The following CYP39A1 variants were observed in gnomAD, a reference collection of about 807,000 sequenced individuals.
CYP39A1 encodes cytochrome P450 family 39 subfamily A member 1.
In CYP39A1, 49 loss-of-function variants were observed where a neutral mutation model predicts 58.1. The ratio of observed to expected loss-of-function variants is 0.84; its 90% CI spans 0.67 to 1.07. The LOEUF is 1.07. Among genes scored for constraint, CYP39A1 ranks in the 50% least tolerant of loss-of-function variants. The probability of loss-of-function intolerance (pLI) is 0.00; values close to 1 mark genes in which losing one functional copy is unlikely to be tolerated. For missense variants in CYP39A1, 531 were observed against 539.4 expected (o/e 0.98, Z 0.16); for synonymous variants, 209 against 187.6 (o/e 1.11, Z -0.93).
At chr6:46,553,304 T>C (rs977470962) in intron 11 of CYP39A1, among the ~76,000 whole-genome samples, 2 of 152,194 alleles carry the variant, frequency 1.3e-5, no homozygotes, top group Non-Finnish European at 2.9e-5. Context: ...AATAAAACCA[T>C]GACCTTTTCA....
rs570988220 is a variant in CYP39A1, at chr6:46,630,115, A to AAAC, written c.840+845_840+847dup. ...CATCTCAAAAAAACAAAACAAAACA[A>AAAC]AACAACAACAACAACAAAAAAACCC... On this transcript the variant is annotated intron_variant, in intron 6 of 11. Coordinates refer to ENST00000275016, the MANE Select transcript of CYP39A1 (RefSeq NM_016593.5). 1.7e-3 allele frequency among the ~76,000 whole-genome samples: 249 copies of AAAC among 146,550 alleles called. 1 individual carries two copies. Among genetic ancestry groups the AAAC allele is most frequent in the Non-Finnish European group, 2.8e-3 (190 of 67,954 alleles).
At chr6:46,587,218 A>G (rs1261901802) in intron 9 of CYP39A1, 53 bp from the exon 10 acceptor site, 2 of 1,176,958 alleles carry the variant, frequency 1.7e-6, no homozygotes, top group Non-Finnish European at 2.5e-6. Flanking sequence ...AAATAAGCTT[A>G]ACTTTATTTC....
intron 7 of CYP39A1, among the ~76,000 whole-genome samples, chr6:46,610,221 T>C (rs1449856839): frequency 3.3e-5 from 5 of 152,252 alleles, no homozygotes; most frequent in Non-Finnish European, 2.9e-5. Context: ...ACAAGGGTTA[T>C]GTGGATCAAT....
At chr6:46,636,353 C>A (rs1265682310) in intron 5 of CYP39A1, 36 bp downstream of exon 5, 1 of 1,430,566 alleles carries the variant, frequency 7.0e-7, no homozygotes, top group South Asian at 1.2e-5. Flanking sequence ...TTATTACTAT[C>A]TTTACATTAG....
chr6:46,616,280 C>CT (rs1774599718), intron 7 of CYP39A1, among the ~76,000 whole-genome samples: 2 of 125,062 alleles, frequency 1.6e-5, no homozygotes, highest in South Asian at 5.9e-4. Context: ...TCCTTCCTTC[C>CT]TTCATCTTGC....
rs200048080 is a variant in CYP39A1, at chr6:46,550,367, C to G, written c.1409G>C (p.Ter470SerextTer23). The G allele has an allele frequency of 7.4e-6, 12 of 1,612,678 alleles. No homozygotes were observed. In the African/African-American group the frequency reaches 1.5e-4, roughly 20 times the overall value. ...QCRIEYKQRI[*>S] ...GGTCCTTGTGAGGCCCAACAGATGTCATATTCTTTGTTTATATTCAATTCG... is the reference window on the plus strand; with the variant it reads ...GGTCCTTGTGAGGCCCAACAGATGTGATATTCTTTGTTTATATTCAATTCG... The change falls in exon 12 of 12, where the codon TGA becomes TCA. Residue 470 changes from the stop codon to serine (S), a stop_lost. Coordinates refer to ENST00000275016, the MANE Select transcript of CYP39A1 (RefSeq NM_016593.5).
chr6:46,575,454 C>G (rs1249822681), intron 10 of CYP39A1, among the ~76,000 whole-genome samples: 1 of 152,176 alleles, frequency 6.6e-6, no homozygotes, highest in African/African-American at 2.4e-5. Flanking sequence ...CCTCAATTGC[C>G]CAGCCAAAGT....
chr6:46,606,036 C>T (rs1030439191), intron 7 of CYP39A1, among the ~76,000 whole-genome samples: 2 of 152,154 alleles, frequency 1.3e-5, no homozygotes, highest in African/African-American at 4.8e-5. Context: ...AGAGACTCCA[C>T]AGTGACCTAC....
chr6:46,555,844 G>C (rs549837346), intron 10 of CYP39A1, among the ~76,000 whole-genome samples: 1 of 152,210 alleles, frequency 6.6e-6, no homozygotes, highest in Middle Eastern at 3.4e-3. Context: ...TCCAGGTGTG[G>C]CTATAATCCA....
chr6:46,615,842 A>G (rs534915168), intron 7 of CYP39A1, among the ~76,000 whole-genome samples: 3 of 152,096 alleles, frequency 2.0e-5, no homozygotes, highest in African/African-American at 4.8e-5. Context: ...TCTGACCCCA[A>G]TCAGCTCTTC....
chr6:46,579,972 A>G (rs1427881519), intron 10 of CYP39A1, among the ~76,000 whole-genome samples: 1 of 152,176 alleles, frequency 6.6e-6, no homozygotes, highest in East Asian at 1.9e-4. Context: ...TCAAACTACC[A>G]AAGTCATTTT....
At chr6:46,583,169 G>A (rs917183186) in intron 10 of CYP39A1, 27 of 985,204 alleles carry the variant, frequency 2.7e-5, no homozygotes, top group Non-Finnish European at 1.3e-5. Context: ...AAGTATTGCA[G>A]CCTTCCTCTT....
chr6:46,642,124 T>C (rs370851390), intron 2 of CYP39A1, 39 bp downstream of exon 2: 6 of 1,606,844 alleles, frequency 3.7e-6, no homozygotes, highest in Non-Finnish European at 5.1e-6. Context: ...TGGATTCCAA[T>C]GTTGGATTTC....
At chr6:46,582,802 T>A (rs1772212996) in intron 10 of CYP39A1, among the ~76,000 whole-genome samples, 1 of 152,148 alleles carries the variant, frequency 6.6e-6, no homozygotes, top group Non-Finnish European at 1.5e-5. Context: ...TGGGTGGGAA[T>A]ATAACATCCT....
Position 46,630,994 on chromosome 6 carries a change from A to G in CYP39A1, c.809T>C (p.Leu270Pro). ...KENSPNYGLL[L>P]LWASLSNAVP... Reference sequence around the variant, plus strand: ...AGCATTAGACAGAGAAGCCCAAAGCAGTAAGAGCCCATAATTGGGTGAGTT... The same window carrying G: ...AGCATTAGACAGAGAAGCCCAAAGCGGTAAGAGCCCATAATTGGGTGAGTT... The change falls in exon 6 of 12, where the codon CTG becomes CCG. Residue 270 changes from leucine (L) to proline (P), a missense_variant. Transcript: ENST00000275016. 1 of 1,614,036 alleles carries G rather than the reference A, an allele frequency of 6.2e-7. No homozygotes were observed. The highest frequency in any genetic ancestry group is 8.5e-7 in the Non-Finnish European group (1 of 1,179,948).
chr6:46,640,498 G>A (rs939738058), intron 2 of CYP39A1, among the ~76,000 whole-genome samples: 2 of 152,058 alleles, frequency 1.3e-5, no homozygotes, highest in African/African-American at 2.4e-5. Context: ...TAGTATTCGT[G>A]CTCCTTCTAT....
rs372891984 is a variant in CYP39A1 at position 46,610,178 on chromosome 6, A to T, written c.932-14058T>A. ...CACAGTTTTAGTTTTGAAAGAGAAG[A>T]TTATAAAGTTGATTTTTATTGGTAA... is the stretch of plus-strand genomic sequence containing the variant. On this transcript the variant is annotated intron_variant, in intron 7 of 11. Transcript: ENST00000275016. Among the ~76,000 whole-genome samples, 210 of 152,348 alleles carry T rather than the reference A, an allele frequency of 1.4e-3. 1 individual carries two copies. The highest frequency in any genetic ancestry group is 4.9e-3 in the African/African-American group (204 of 41,592).
At chr6:46,634,281 G>A (rs1279330049) in intron 5 of CYP39A1, among the ~76,000 whole-genome samples, 2 of 152,094 alleles carry the variant, frequency 1.3e-5, no homozygotes, top group African/African-American at 4.8e-5. Flanking sequence ...GATGTTACTT[G>A]ATCCTCCTTG....
rs562225965 is a variant in CYP39A1, at chr6:46,598,876, T to C, written c.932-2756A>G. Among the ~76,000 whole-genome samples the C allele has an allele frequency of 7.2e-5, 11 of 152,354 alleles. No homozygotes were observed. In the South Asian group the frequency reaches 2.1e-3, roughly 29 times the overall value. Reference sequence around the variant, plus strand: ...CACAAACTTAGAGCAGTGCCCGGTATGTACTAAGTGTTCAGTACAAGGTGG... The same window carrying C: ...CACAAACTTAGAGCAGTGCCCGGTACGTACTAAGTGTTCAGTACAAGGTGG... On this transcript the variant is annotated intron_variant, in intron 7 of 11. Coordinates refer to ENST00000275016, the MANE Select transcript of CYP39A1 (RefSeq NM_016593.5).
Sources: allele counts gnomAD v4.1 joint callset (sites outside exome capture counted in the v4.1 genomes callset), GRCh38; gene constraint gnomAD v4.1.1; transcripts MANE v1.5; gene names NCBI Gene and HGNC (gene_info 2026-07-23, HGNC 2026-07-21).